Variants in CDH18 observed in about 807,000 individuals in gnomAD.
CDH18 encodes cadherin-18.
A neutral mutation model predicts 67.9 loss-of-function variants in CDH18; 31 were observed. The ratio of observed to expected loss-of-function variants is 0.46; its 90% CI spans 0.34 to 0.62. CDH18 has a LOEUF of 0.62. CDH18 is among the 20% of genes least tolerant of loss of function. The pLI is 0.01. For missense variants in CDH18, 890 were observed against 975.5 expected (o/e 0.91, Z 1.17); for synonymous variants, 362 against 347.2 (o/e 1.04, Z -0.48).
chr5:20,450,186 A>G (rs1390515205), intron 1 of CDH18, among the ~76,000 whole-genome samples: 1 of 152,100 alleles, frequency 6.6e-6, no homozygotes, highest in Non-Finnish European at 1.5e-5. Flanking sequence ...AAAAATAATT[A>G]AAACAAAAAA....
chr5:20,501,630 G>A (rs1230005675), intron 1 of CDH18, among the ~76,000 whole-genome samples: 14 of 107,588 alleles, frequency 1.3e-4, no homozygotes, highest in South Asian at 5.8e-4. Context: ...ATGGAGTCTC[G>A]CTCTGTGGCC....
At chr5:19,842,412 T>G (rs148039046) in intron 2 of CDH18, among the ~76,000 whole-genome samples, 145 of 152,228 alleles carry the variant, frequency 9.5e-4, no homozygotes, top group East Asian at 4.5e-3. Context: ...TCTGACGGTT[T>G]TATAAGGGGC....
chr5:20,123,006 A>T (rs1748492569), intron 2 of CDH18, among the ~76,000 whole-genome samples: 1 of 148,274 alleles, frequency 6.7e-6, no homozygotes, highest in African/African-American at 2.4e-5. Context: ...ATTTAAAAAT[A>T]CCTATATAAG....
chr5:19,637,649 T>A (rs532239180), intron 5 of CDH18, among the ~76,000 whole-genome samples: 1 of 152,280 alleles, frequency 6.6e-6, no homozygotes, highest in African/African-American at 2.4e-5. Flanking sequence ...CCTTACTGTC[T>A]CACTGGGTTC....
intron 2 of CDH18, among the ~76,000 whole-genome samples, chr5:20,153,570 A>G (rs1751284928): frequency 6.6e-6 from 1 of 152,156 alleles, no homozygotes; most frequent in Non-Finnish European, 1.5e-5. Context: ...ACAGAATACT[A>G]TACACTGGGT....
At chr5:20,182,116 T>C (rs1382022375) in intron 2 of CDH18, among the ~76,000 whole-genome samples, 1 of 152,132 alleles carries the variant, frequency 6.6e-6, no homozygotes, top group Non-Finnish European at 1.5e-5. Flanking sequence ...AAGTGGCATT[T>C]CACTCCTTCC....
intron 11 of CDH18, among the ~76,000 whole-genome samples, chr5:19,494,915 G>A (rs1238997596): frequency 6.6e-6 from 1 of 152,168 alleles, no homozygotes; most frequent in Non-Finnish European, 1.5e-5. Flanking sequence ...CGATTCTTAG[G>A]CTATAATTTC....
At chr5:19,818,604 G>A (rs931185020) in intron 3 of CDH18, among the ~76,000 whole-genome samples, 1 of 151,964 alleles carries the variant, frequency 6.6e-6, no homozygotes, top group African/African-American at 2.4e-5. Flanking sequence ...AACATCACAG[G>A]GTATACTTAC....
intron 2 of CDH18, among the ~76,000 whole-genome samples, chr5:19,891,662 C>A (rs1788794633): frequency 6.6e-6 from 1 of 152,094 alleles, no homozygotes; most frequent in South Asian, 2.1e-4. Flanking sequence ...ATTCTAGCCT[C>A]AGATTGGTGT....
intron 1 of CDH18, among the ~76,000 whole-genome samples, chr5:20,348,445 C>T (rs1365819446): frequency 6.6e-6 from 1 of 152,144 alleles, no homozygotes; most frequent in Admixed American, 6.6e-5. Context: ...AAGCATTTTT[C>T]TTTTCCTTAT....
intron 5 of CDH18, among the ~76,000 whole-genome samples, chr5:19,715,129 T>C (rs934171835): frequency 5.9e-5 from 9 of 152,120 alleles, no homozygotes; most frequent in African/African-American, 1.9e-4. Context: ...CAAAGATGCT[T>C]TATATAGTTT....
chr5:20,365,592 C>T (rs78129760), intron 1 of CDH18, among the ~76,000 whole-genome samples: 3,391 of 152,142 alleles, frequency 0.022, 94 homozygotes, highest in East Asian at 0.061. Flanking sequence ...TGTCATGTTT[C>T]CTTCATCACC....
At chr5:20,408,358 A>G (rs974259055) in intron 1 of CDH18, among the ~76,000 whole-genome samples, 1 of 152,094 alleles carries the variant, frequency 6.6e-6, no homozygotes, top group Non-Finnish European at 1.5e-5. Flanking sequence ...ATAGACAAAT[A>G]CAGAATAATG....
intron 1 of CDH18, among the ~76,000 whole-genome samples, chr5:20,313,396 A>G (rs898585207): frequency 6.6e-6 from 1 of 152,054 alleles, no homozygotes; most frequent in Non-Finnish European, 1.5e-5. Context: ...TTTCAAGTAA[A>G]TTTGATCTTC....
At chr5:19,493,682 T>G (rs1027832364) in intron 11 of CDH18, among the ~76,000 whole-genome samples, 3 of 152,158 alleles carry the variant, frequency 2.0e-5, no homozygotes, top group African/African-American at 4.8e-5. Flanking sequence ...TTTCAATCAA[T>G]TTATCATTGT....
intron 9 of CDH18, among the ~76,000 whole-genome samples, chr5:19,525,278 C>T (rs963394176): frequency 6.6e-6 from 1 of 152,164 alleles, no homozygotes; most frequent in African/African-American, 2.4e-5. Flanking sequence ...CACTTGGGCA[C>T]AGGAAGCTAA....
chr5:20,185,964 G>A (rs1164714001), intron 2 of CDH18, among the ~76,000 whole-genome samples: 2 of 151,988 alleles, frequency 1.3e-5, no homozygotes, highest in East Asian at 3.9e-4. Context: ...ATGAAGTAAT[G>A]AGAAGTGAAG....
intron 1 of CDH18, among the ~76,000 whole-genome samples, chr5:20,458,933 C>T (rs749050956): frequency 6.6e-6 from 1 of 152,094 alleles, no homozygotes; most frequent in Non-Finnish European, 1.5e-5. Flanking sequence ...TGTATATTAA[C>T]ACCTGAATAT....
intron 4 of CDH18, among the ~76,000 whole-genome samples, chr5:19,737,536 C>T (rs967201623): frequency 1.3e-5 from 2 of 152,208 alleles, no homozygotes; most frequent in Non-Finnish European, 2.9e-5. Context: ...TGACATTGAG[C>T]TTTCTCTCTG....
Sources: gnomAD v4.1 joint callset for allele counts (sites outside exome capture counted in the v4.1 genomes callset) on GRCh38, gnomAD v4.1.1 for gene constraint, MANE v1.5 for transcripts, NCBI Gene and HGNC (gene_info 2026-07-23, HGNC 2026-07-21) for gene names.